The following ZBTB20 variants were observed in gnomAD, a reference collection of about 807,000 sequenced individuals.
ZBTB20 encodes zinc finger and BTB domain containing 20.
ZBTB20 carries 9 observed loss-of-function variants against 56.9 expected under a neutral mutation model. That is an observed-to-expected ratio of 0.16 (90% confidence interval 0.10 to 0.28). The LOEUF (loss-of-function observed/expected upper bound fraction) is 0.28, where lower values mean the gene tolerates loss of function less well. Among genes scored for constraint, ZBTB20 ranks in the 10% least tolerant of loss-of-function variants. The pLI is 1.00. For synonymous variants in ZBTB20, 417 were observed against 420.7 expected, an observed-to-expected ratio of 0.99 and a Z score of 0.11; for missense variants, 655 against 1,003.0, an observed-to-expected ratio of 0.65 and a Z score of 4.69.
rs2079492410 is a variant in ZBTB20 at position 114,337,296 on chromosome 3, G to A, written c.*1709C>T. Reference sequence around the variant, plus strand: ...CAGGCTTCTCATAATGATGCTCTTTGTAGTTGGGAAGGGTGAGGAGCTATG... The same window carrying A: ...CAGGCTTCTCATAATGATGCTCTTTATAGTTGGGAAGGGTGAGGAGCTATG... On this transcript the variant is annotated 3_prime_UTR_variant, in exon 12 of 12. Transcript: ENST00000675478. 1 of 152,226 alleles carries A rather than the reference G, an allele frequency of 6.6e-6. No homozygotes were observed. Among genetic ancestry groups the A allele is most frequent in the Non-Finnish European group, 1.5e-5 (1 of 68,042 alleles). The allele number at this position is 152,226 out of a possible 1,614,324, so 9.4% of individuals were successfully genotyped here. A position where few individuals can be genotyped will look rare whatever the true frequency, so the allele number is the denominator to read the frequency against.
intron 5 of ZBTB20, among the ~76,000 whole-genome samples, chr3:114,738,086 A>G (rs574704742): frequency 9.6e-4 from 146 of 152,224 alleles, no homozygotes; most frequent in Middle Eastern, 3.4e-3. Flanking sequence ...TGATAATTTA[A>G]TGTGAGACTT....
chr3:114,359,965 T>C (rs1463634349), intron 10 of ZBTB20, among the ~76,000 whole-genome samples: 3 of 152,224 alleles, frequency 2.0e-5, no homozygotes, highest in Non-Finnish European at 4.4e-5. Context: ...AGATTCAGTA[T>C]AACTCTCAGG....
chr3:114,980,843 C>T (rs1273008578), intron 2 of ZBTB20, among the ~76,000 whole-genome samples: 1 of 151,804 alleles, frequency 6.6e-6, no homozygotes, highest in Non-Finnish European at 1.5e-5. Context: ...ATGCAAGTAA[C>T]CATTGATTAC....
chr3:114,390,193 C>T (rs553117888), intron 7 of ZBTB20, among the ~76,000 whole-genome samples: 26 of 152,148 alleles, frequency 1.7e-4, no homozygotes, highest in African/African-American at 5.5e-4. Context: ...CCTGGCTTTT[C>T]TAGTACAAAA....
At chr3:114,903,561 T>C (rs2075208053) in intron 3 of ZBTB20, among the ~76,000 whole-genome samples, 1 of 151,964 alleles carries the variant, frequency 6.6e-6, no homozygotes, top group Admixed American at 6.6e-5. Context: ...ACAATAGTAA[T>C]AGCCACAATA....
intron 4 of ZBTB20, among the ~76,000 whole-genome samples, chr3:114,880,737 A>G (rs2107584923): frequency 6.6e-6 from 1 of 152,282 alleles, no homozygotes; most frequent in Non-Finnish European, 1.5e-5. Flanking sequence ...AATACTATAT[A>G]ATCAATTAAA....
chr3:115,058,111 T>C (rs898454005), intron 2 of ZBTB20, among the ~76,000 whole-genome samples: 1 of 152,122 alleles, frequency 6.6e-6, no homozygotes, highest in Non-Finnish European at 1.5e-5. Flanking sequence ...GTGATTAAAT[T>C]ACCTCCCACC....
intron 5 of ZBTB20, among the ~76,000 whole-genome samples, chr3:114,750,045 T>C (rs1171496464): frequency 6.6e-6 from 1 of 152,172 alleles, no homozygotes; most frequent in East Asian, 1.9e-4. Context: ...TCTTTAGAGA[T>C]TTTTTAATGA....
At chr3:114,655,277 G>A (rs1367926506) in intron 6 of ZBTB20, among the ~76,000 whole-genome samples, 2 of 113,952 alleles carry the variant, frequency 1.8e-5, no homozygotes, top group African/African-American at 7.1e-5. Context: ...ACGGAGTCTC[G>A]CTTTGTCGCC....
chr3:115,064,443 C>CTTTTTTTTTTTTTTT (rs34098178), intron 2 of ZBTB20, among the ~76,000 whole-genome samples: 1 of 78,044 alleles, frequency 1.3e-5, no homozygotes, highest in Non-Finnish European at 2.3e-5. Context: ...TCTCATAATT[C>CTTTTTTTTTTTTTTT]TTTTTTTTTT....
intron 7 of ZBTB20, among the ~76,000 whole-genome samples, chr3:114,482,409 C>A (rs2041656196): frequency 1.3e-5 from 2 of 152,210 alleles, no homozygotes; most frequent in East Asian, 1.9e-4. Context: ...GGAGAGGAGA[C>A]CACCTAGCAG....
intron 1 of ZBTB20, among the ~76,000 whole-genome samples, chr3:115,126,573 C>G (rs553672214): frequency 6.6e-6 from 1 of 152,072 alleles, no homozygotes; most frequent in East Asian, 1.9e-4. Flanking sequence ...ATCTTAATAT[C>G]TTAATGTTGA....
chr3:114,736,609 G>A (rs1166101385), intron 5 of ZBTB20, among the ~76,000 whole-genome samples: 1 of 152,074 alleles, frequency 6.6e-6, no homozygotes, highest in Non-Finnish European at 1.5e-5. Context: ...TTCAAGTAAG[G>A]ACTAAACATA....
intron 6 of ZBTB20, among the ~76,000 whole-genome samples, chr3:114,511,100 TAAA>T (rs63221060): frequency 6.2e-5 from 8 of 129,328 alleles, no homozygotes; most frequent in East Asian, 2.3e-4. Flanking sequence ...GTCCACATGC[TAAA>T]AAAAAAAAAA....
chr3:115,077,862 T>C (rs1329958852), intron 1 of ZBTB20, among the ~76,000 whole-genome samples: 1 of 152,200 alleles, frequency 6.6e-6, no homozygotes, highest in Non-Finnish European at 1.5e-5. Flanking sequence ...TGTTATACAA[T>C]TCAGAATTCT....
At chr3:114,844,355 A>ATATATATATG (rs2074548741) in intron 4 of ZBTB20, among the ~76,000 whole-genome samples, 1 of 40,326 alleles carries the variant, frequency 2.5e-5, no homozygotes, top group Non-Finnish European at 6.8e-5. Flanking sequence ...ATATATATAT[A>ATATATATATG]TATATATATA....
intron 6 of ZBTB20, among the ~76,000 whole-genome samples, chr3:114,614,504 TA>T (rs137937363): frequency 0.029 from 4,468 of 152,250 alleles, 230 homozygotes; most frequent in African/African-American, 0.1. Flanking sequence ...AGGATGACTG[TA>T]AAATGCAGTT....
chr3:114,539,841 C>A (rs2048907386), intron 6 of ZBTB20, among the ~76,000 whole-genome samples: 1 of 151,848 alleles, frequency 6.6e-6, no homozygotes, highest in Non-Finnish European at 1.5e-5. Context: ...CACATTTTTG[C>A]CAAGTCTCTC....
intron 6 of ZBTB20, among the ~76,000 whole-genome samples, chr3:114,599,677 T>C (rs2056607667): frequency 6.6e-6 from 1 of 152,068 alleles, no homozygotes. Flanking sequence ...TTATTTGCAT[T>C]TAATTCCAAA....
Sources: allele counts gnomAD v4.1 joint callset (sites outside exome capture counted in the v4.1 genomes callset), GRCh38; gene constraint gnomAD v4.1.1; transcripts MANE v1.5; gene names NCBI Gene and HGNC (gene_info 2026-07-23, HGNC 2026-07-21).